Variants in LVRN observed in about 807,000 individuals in gnomAD.
LVRN encodes the protein aminopeptidase Q.
Under a neutral mutation model 111.4 loss-of-function variants are expected in LVRN, and 99 were observed. The observed-to-expected ratio is 0.89, with a 90% CI of 0.76 to 1.05. The LOEUF (loss-of-function observed/expected upper bound fraction) is 1.05, where lower values mean the gene tolerates loss of function less well. Ranked by LOEUF, LVRN falls within the 50% of genes least tolerant of loss-of-function variation. The pLI is 0.00. For missense variants in LVRN, 1,414 were observed against 1,206.8 expected (o/e 1.17, Z -2.54); for synonymous variants, 488 against 449.5 (o/e 1.09, Z -1.08).
At chr5:116,015,178 C>T (rs1748572928) in intron 16 of LVRN, 74 bp from the exon 17 acceptor site, 3 of 849,060 alleles carry the variant, frequency 3.5e-6, no homozygotes, top group Non-Finnish European at 3.2e-6. Context: ...TTTCTAGATT[C>T]ATACTTCTAA....
Position 116,001,184 on chromosome 5 carries a change from A to T in LVRN, c.1765A>T (p.Lys589Ter). 1 of 1,614,078 alleles carries T rather than the reference A, an allele frequency of 6.2e-7. No individual in the cohort carries two copies. The highest frequency in any genetic ancestry group is 2.2e-5 in the East Asian group (1 of 44,882). Residue 589 changes from lysine (K) to a stop codon, truncating the protein, a stop_gained, in exon 10 of 20, where the codon AAA (lysine) becomes TAA (stop). Transcript: ENST00000357872. LOFTEE classifies it high-confidence loss of function. Reference protein sequence around the residue: ...ITLNVSTGVMKQEPFYLENIK... With the variant: ...ITLNVSTGVM ...TTTAAATGTGTCTACTGGCGTCATG[A>T]AACAGGAGCCATTTTATCTTGAAAA...
At position 116,015,728 on chromosome 5, in the gene LVRN, G is replaced by C; in HGVS notation, c.2719G>C (p.Asp907His). ...TGAAGTTGGCCGGTATGTCGCAAAAGACTTCTTAGTCAACAACTGGCAAGC... is the reference window on the plus strand; with the variant it reads ...TGAAGTTGGCCGGTATGTCGCAAAACACTTCTTAGTCAACAACTGGCAAGC... ...SSEVGRYVAK[D>H]FLVNNWQAVS... The change falls in exon 18 of 20, where the codon GAC becomes CAC. Residue 907 changes from aspartate (D) to histidine (H), a missense_variant. Coordinates refer to ENST00000357872, the MANE Select transcript of LVRN (RefSeq NM_173800.5). 1.9e-6 allele frequency: 3 copies of C among 1,613,466 alleles called. No individual in the cohort carries two copies. Among genetic ancestry groups the C allele is most frequent in the African/African-American group, 2.7e-5 (2 of 75,020 alleles).
chr5:116,000,793 G>A (rs1748221875), intron 9 of LVRN, 135 bp downstream of exon 9: 1 of 965,048 alleles, frequency 1.0e-6, no homozygotes, highest in Non-Finnish European at 1.5e-6. Flanking sequence ...TTAGGTCATG[G>A]GTAGTGTCTT....
At position 116,010,759 on chromosome 5, in the gene LVRN, T is replaced by C; in HGVS notation, c.2112T>C (p.Ile704=). 1 of 1,599,758 alleles carries C rather than the reference T, an allele frequency of 6.3e-7. No individual in the cohort carries two copies. The highest frequency in any genetic ancestry group is 8.5e-7 in the Non-Finnish European group (1 of 1,174,620). ...FSLSKNNYIE[I]ETALELTKYL... ...CAAACAGAAACAATTATATTGAGAT[T>C]GAAACAGCACTTGAGTTAACCAAGT... The change falls in exon 14 of 20, where the codon ATT becomes ATC. Residue 704 remains isoleucine, a synonymous_variant. Transcript: ENST00000357872.
At chr5:115,970,016 C>T (rs73259347) in intron 1 of LVRN, among the ~76,000 whole-genome samples, 1 of 151,204 alleles carries the variant, frequency 6.6e-6, no homozygotes. Context: ...TTATCATGCA[C>T]ATTTTGTTGC....
intron 19 of LVRN, 129 bp downstream of exon 19, chr5:116,022,595 T>A: frequency 1.5e-6 from 1 of 652,024 alleles, no homozygotes; most frequent in Non-Finnish European, 2.7e-6. Flanking sequence ...ATTGGTGCTG[T>A]ATCACTGTGA....
chr5:115,992,047 T>C, intron 4 of LVRN, 76 bp from the exon 5 acceptor site: 2 of 1,408,460 alleles, frequency 1.4e-6, no homozygotes, highest in East Asian at 2.3e-5. Flanking sequence ...TTTTATGATT[T>C]CATTTTGAGA....
At chr5:115,968,535 C>T (rs1361315826) in intron 1 of LVRN, among the ~76,000 whole-genome samples, 1 of 151,528 alleles carries the variant, frequency 6.6e-6, no homozygotes, top group Non-Finnish European at 1.5e-5. Context: ...AACTCTCAGG[C>T]CCAAGTGATC....
In LVRN at chr5:116,010,914, T is replaced by G; in HGVS notation, c.2247+20T>G. 6.6e-7 allele frequency: 1 copy of G among 1,515,976 alleles called. No homozygotes were observed. The highest frequency in any genetic ancestry group is 8.8e-7 in the Non-Finnish European group (1 of 1,132,540). 93.9% of individuals were successfully genotyped at this position (1,515,976 alleles called of 1,614,324 possible). ...TTAAAGGTAATTTCATTCTTTCTTA[T>G]GTAGTTTTTAAATAAATCCTCTCTT... On this transcript the variant is annotated intron_variant, in intron 14 of 19. Transcript: ENST00000357872.
chr5:115,971,606 T>TA (rs1257704175), intron 1 of LVRN, among the ~76,000 whole-genome samples: 18 of 152,114 alleles, frequency 1.2e-4, no homozygotes, highest in African/African-American at 3.9e-4. Context: ...TGCACTTCTG[T>TA]AAAAAAATCA....
At chr5:115,976,663 T>A (rs1753455869) in intron 1 of LVRN, among the ~76,000 whole-genome samples, 1 of 152,242 alleles carries the variant, frequency 6.6e-6, no homozygotes, top group Admixed American at 6.5e-5. Flanking sequence ...GAATACTTTC[T>A]AATTTCCATT....
intron 13 of LVRN, among the ~76,000 whole-genome samples, chr5:116,007,374 G>A (rs905941995): frequency 3.9e-5 from 6 of 151,966 alleles, no homozygotes; most frequent in South Asian, 2.1e-4. Context: ...TAGCTTCATC[G>A]GCCCATCACA....
intron 1 of LVRN, among the ~76,000 whole-genome samples, chr5:115,969,758 C>A (rs1296613951): frequency 1.3e-5 from 2 of 149,312 alleles, no homozygotes; most frequent in African/African-American, 4.9e-5. Context: ...TGAGATCGTG[C>A]CACTGCACTC....
Position 115,963,590 on chromosome 5 carries a change from A to G in LVRN, c.695+278A>G, listed in dbSNP as rs551844389. Among the ~76,000 whole-genome samples the G allele has an allele frequency of 5.9e-5, 9 of 152,238 alleles. No homozygotes were observed. In the South Asian group the frequency reaches 1.2e-3, roughly 21 times the overall value. ...ATATACCCATTAGGTATATCTCCCA[A>G]TGCAAACTATCGCAAGGACAAAAAA... On this transcript the variant is annotated intron_variant, in intron 1 of 19. Transcript: ENST00000357872.
chr5:116,012,433 A>T lies in LVRN; in HGVS notation c.2307A>T (p.Glu769Asp), dbSNP rs1748511232. 2.6e-6 allele frequency: 4 copies of T among 1,549,046 alleles called. No homozygotes were observed. Among genetic ancestry groups the T allele is most frequent in the Non-Finnish European group, 3.5e-6 (4 of 1,128,438 alleles). ...IWNIYSTIIR[E>D]NVLALQDDYL... ...ATATTTATTCAACTATAATTCGTGA[A>T]AATGTGTTGGCATTACAAGATGACT... Residue 769 changes from glutamate to aspartate, a missense_variant, in exon 15 of 20, where the codon GAA becomes GAT. By Grantham distance (45) the Glu-to-Asp change is conservative. Coordinates refer to ENST00000357872, the MANE Select transcript of LVRN (RefSeq NM_173800.5).
At chr5:116,005,471 G>A (rs775576851) in intron 12 of LVRN, among the ~76,000 whole-genome samples, 6 of 152,154 alleles carry the variant, frequency 3.9e-5, no homozygotes, top group Middle Eastern at 3.2e-3. Context: ...GATAAATACC[G>A]TGTGAAAAAA....
At chr5:115,979,164 C>G (rs1400194476) in intron 1 of LVRN, among the ~76,000 whole-genome samples, 5 of 152,116 alleles carry the variant, frequency 3.3e-5, no homozygotes, top group African/African-American at 4.8e-5. Context: ...AATGCTCATG[C>G]TTCCCTGGCC....
At chr5:116,007,889 T>C (rs1248632780) in intron 13 of LVRN, among the ~76,000 whole-genome samples, 1 of 152,216 alleles carries the variant, frequency 6.6e-6, no homozygotes, top group African/African-American at 2.4e-5. Flanking sequence ...GAACAGGAAT[T>C]GATGATGTTA....
intron 6 of LVRN, among the ~76,000 whole-genome samples, chr5:115,999,233 T>C (rs1748185660): frequency 6.6e-6 from 1 of 152,254 alleles, no homozygotes; most frequent in South Asian, 2.1e-4. Context: ...TTTATTAAAA[T>C]ATAATAAATT....
Sources: allele counts gnomAD v4.1 joint callset (sites outside exome capture counted in the v4.1 genomes callset), GRCh38; gene constraint gnomAD v4.1.1; transcripts MANE v1.5; gene names NCBI Gene and HGNC (gene_info 2026-07-23, HGNC 2026-07-21).